Variants in SUGCT observed in about 807,000 individuals in gnomAD.
SUGCT encodes the protein succinyl-CoA:glutarate-CoA transferase.
Under a neutral mutation model 55.0 loss-of-function variants are expected in SUGCT, and 41 were observed. That is an observed-to-expected ratio of 0.74 (90% confidence interval 0.58 to 0.97). The LOEUF is 0.97. Ranked by LOEUF, SUGCT falls within the 50% of genes least tolerant of loss-of-function variation. The pLI, the probability that SUGCT is intolerant of heterozygous loss-of-function variation, is 0.00. For synonymous variants in SUGCT, 187 were observed against 200.4 expected (o/e 0.93, Z 0.56); for missense variants, 568 against 547.8 (o/e 1.04, Z -0.37).
chr7:40,732,238 C>T (rs1023860703), intron 12 of SUGCT, among the ~76,000 whole-genome samples: 4 of 152,174 alleles, frequency 2.6e-5, no homozygotes, highest in African/African-American at 9.7e-5. Flanking sequence ...ACTCCATTCT[C>T]TGTCTGGCTG....
intron 3 of SUGCT, among the ~76,000 whole-genome samples, chr7:40,187,074 G>A (rs934559460): frequency 2.0e-5 from 3 of 152,062 alleles, no homozygotes; most frequent in African/African-American, 7.2e-5. Flanking sequence ...AGAAAATGTG[G>A]CACATATACA....
At chr7:40,193,568 G>C (rs1287452552) in intron 5 of SUGCT, among the ~76,000 whole-genome samples, 11 of 149,716 alleles carry the variant, frequency 7.3e-5, no homozygotes, top group Non-Finnish European at 1.3e-4. Context: ...TTACAGGTGT[G>C]AGCCACTATG....
At chr7:40,362,406 G>A (rs1798200435) in intron 9 of SUGCT, among the ~76,000 whole-genome samples, 1 of 151,860 alleles carries the variant, frequency 6.6e-6, no homozygotes, top group African/African-American at 2.4e-5. Flanking sequence ...GTGACAGAGC[G>A]AGAGTCCATC....
At chr7:40,699,250 T>C (rs1380555704) in intron 12 of SUGCT, among the ~76,000 whole-genome samples, 1 of 152,186 alleles carries the variant, frequency 6.6e-6, no homozygotes, top group Non-Finnish European at 1.5e-5. Flanking sequence ...GTTTCTAGCC[T>C]TTGGGGACAC....
At chr7:40,415,326 C>T (rs1263734898) in intron 9 of SUGCT, among the ~76,000 whole-genome samples, 1 of 149,180 alleles carries the variant, frequency 6.7e-6, no homozygotes, top group Non-Finnish European at 1.5e-5. Flanking sequence ...CATAGCAATG[C>T]TATTTTAGTA....
chr7:40,660,698 A>G (rs1217305872), intron 12 of SUGCT, among the ~76,000 whole-genome samples: 2 of 152,210 alleles, frequency 1.3e-5, no homozygotes, highest in Non-Finnish European at 2.9e-5. Context: ...AATCACTGCC[A>G]ACATCACAAC....
intron 13 of SUGCT, among the ~76,000 whole-genome samples, chr7:40,837,028 T>C (rs181293626): frequency 1.6e-4 from 24 of 152,296 alleles, no homozygotes; most frequent in African/African-American, 5.5e-4. Context: ...TTTTCCAGAG[T>C]GACTAGAAAA....
intron 8 of SUGCT, among the ~76,000 whole-genome samples, chr7:40,305,394 GT>G (rs1794796408): frequency 6.6e-6 from 1 of 152,220 alleles, no homozygotes; most frequent in Non-Finnish European, 1.5e-5. Context: ...TGCCTACAGT[GT>G]GTCTTGGGAG....
At chr7:41,015,384 A>G in the SUGCT span, among the ~76,000 whole-genome samples, 1 of 152,214 alleles carries the variant, frequency 6.6e-6, no homozygotes, top group Non-Finnish European at 1.5e-5. Context: ...TTAAGTGGTC[A>G]TGAGCAGAGG....
At chr7:40,866,405 A>G in the SUGCT span, among the ~76,000 whole-genome samples, 8 of 151,704 alleles carry the variant, frequency 5.3e-5, no homozygotes, top group African/African-American at 1.9e-4. Flanking sequence ...TTCCTTGGAG[A>G]GGGTCAGGAA....
intron 12 of SUGCT, among the ~76,000 whole-genome samples, chr7:40,545,421 A>G (rs1295626786): frequency 6.6e-5 from 10 of 152,210 alleles, no homozygotes; most frequent in Non-Finnish European, 1.5e-5. Context: ...CTGTTGGTCA[A>G]GGTCTCTGGC....
intron 9 of SUGCT, among the ~76,000 whole-genome samples, chr7:40,415,004 C>G (rs1043193704): frequency 1.0e-4 from 15 of 147,668 alleles, no homozygotes; most frequent in African/African-American, 2.5e-5. Flanking sequence ...GAGGTCACGC[C>G]ACTGCACTCC....
chr7:40,163,199 G>C (rs1283616072), intron 1 of SUGCT, among the ~76,000 whole-genome samples: 1 of 152,198 alleles, frequency 6.6e-6, no homozygotes, highest in East Asian at 1.9e-4. Flanking sequence ...AGAGCAGTGA[G>C]ATTTGGGATT....
chr7:40,932,720 T>A, the SUGCT span, among the ~76,000 whole-genome samples: 4 of 152,014 alleles, frequency 2.6e-5, no homozygotes, highest in African/African-American at 9.7e-5. Flanking sequence ...GTTTCAAGTC[T>A]GCTTTATCAG....
At chr7:40,242,927 ATATATATTTTTTTTTTT>A (rs1195495656) in intron 7 of SUGCT, among the ~76,000 whole-genome samples, 3 of 27,284 alleles carry the variant, frequency 1.1e-4, no homozygotes, top group East Asian at 2.5e-3. Flanking sequence ...ATATATATAT[ATATATATTTTTTTTTTT>A]TTTTTTTTTT....
Position 40,857,088 on chromosome 7 carries a change from G to A in SUGCT, c.1154-3228G>A, listed in dbSNP as rs574314125. ...GTTCTGAAGTTCACACAGCTTGTACGTATTTAAAAACAGATGGGAACATAG... is the reference window on the plus strand; with the variant it reads ...GTTCTGAAGTTCACACAGCTTGTACATATTTAAAAACAGATGGGAACATAG... On this transcript the variant is annotated intron_variant, in intron 13 of 13. Coordinates refer to ENST00000335693, the MANE Select transcript of SUGCT (RefSeq NM_001193313.2). Among the ~76,000 whole-genome samples, 7 of 152,216 alleles carry A rather than the reference G, an allele frequency of 4.6e-5. No homozygotes were observed. In the East Asian group the frequency reaches 7.7e-4, roughly 17 times the overall value.
chr7:40,213,907 T>A (rs1157697289), intron 6 of SUGCT, among the ~76,000 whole-genome samples: 1 of 152,186 alleles, frequency 6.6e-6, no homozygotes, highest in Non-Finnish European at 1.5e-5. Flanking sequence ...TCTCTCCTCC[T>A]TTTCTCCTTC....
intron 1 of SUGCT, among the ~76,000 whole-genome samples, chr7:40,164,593 AT>A (rs1212874889): frequency 3.3e-5 from 5 of 152,002 alleles, no homozygotes; most frequent in African/African-American, 1.2e-4. Flanking sequence ...TTTGTTTTTT[AT>A]TATGCATAAA....
At chr7:40,768,714 T>C (rs1316082774) in intron 13 of SUGCT, among the ~76,000 whole-genome samples, 1 of 152,238 alleles carries the variant, frequency 6.6e-6, no homozygotes, top group African/African-American at 2.4e-5. Context: ...CATATTGCAA[T>C]CCAAATGTTT....
Sources: allele counts gnomAD v4.1 joint callset (sites outside exome capture counted in the v4.1 genomes callset), GRCh38; gene constraint gnomAD v4.1.1; transcripts MANE v1.5; gene names NCBI Gene and HGNC (gene_info 2026-07-23, HGNC 2026-07-21).